Variants in RBFOX3 observed in about 807,000 individuals in gnomAD.
The protein encoded by RBFOX3 is RNA binding protein fox-1 homolog 3.
In RBFOX3, 17 loss-of-function variants were observed where a neutral mutation model predicts 48.7. The ratio of observed to expected loss-of-function variants is 0.35; its 90% CI spans 0.24 to 0.52. The LOEUF (loss-of-function observed/expected upper bound fraction) is 0.52. Ranked by LOEUF, RBFOX3 falls within the 20% of genes least tolerant of loss-of-function variation. The pLI is 0.94. For synonymous variants in RBFOX3, 212 were observed against 209.5 expected, an observed-to-expected ratio of 1.01 and a Z score of -0.10; for missense variants, 382 against 497.5, an observed-to-expected ratio of 0.77 and a Z score of 2.21.
chr17:79,132,547 A>G (rs1174799548), intron 4 of RBFOX3, among the ~76,000 whole-genome samples: 1 of 152,108 alleles, frequency 6.6e-6, no homozygotes, highest in Non-Finnish European at 1.5e-5. Context: ...CTGACGGGTG[A>G]GATTGGCAGG....
rs749459956 is a variant in RBFOX3 at position 79,101,569 on chromosome 17, G to A, written c.568+15C>T. The A allele has an allele frequency of 6.5e-7, 1 of 1,549,722 alleles. No individual in the cohort carries two copies. Among genetic ancestry groups the A allele is most frequent in the Middle Eastern group, 1.7e-4 (1 of 5,986 alleles). The stretch of plus-strand genomic sequence containing the variant: ...AGTGACCCCAGCAGCCTTGTGGGGG[G>A]ACCCAGCCCCTTACCGTTGGTGTAG... On this transcript the variant is annotated intron_variant, in intron 9 of 14. Transcript: ENST00000693108.
intron 4 of RBFOX3, among the ~76,000 whole-genome samples, chr17:79,128,225 A>G (rs12939269): frequency 0.27 from 40,653 of 152,098 alleles, 6,391 homozygotes; most frequent in Non-Finnish European, 0.37. Flanking sequence ...TGAGTGGCCA[A>G]CTGAAGGCTG....
chr17:79,448,151 G>A (rs112115292), intron 2 of RBFOX3, among the ~76,000 whole-genome samples: 1 of 152,196 alleles, frequency 6.6e-6, no homozygotes, highest in Non-Finnish European at 1.5e-5. Flanking sequence ...GTCTCAGGTA[G>A]TTTTTGATAA....
chr17:79,187,963 A>G (rs989359502), intron 4 of RBFOX3, among the ~76,000 whole-genome samples: 1 of 152,278 alleles, frequency 6.6e-6, no homozygotes, highest in Non-Finnish European at 1.5e-5. Flanking sequence ...AGAAATTCTC[A>G]CATTCCCAGA....
At chr17:79,449,253 G>A (rs2072986640) in intron 2 of RBFOX3, among the ~76,000 whole-genome samples, 1 of 152,072 alleles carries the variant, frequency 6.6e-6, no homozygotes. Flanking sequence ...GAAGCTACAT[G>A]AAACATAAGC....
chr17:79,367,518 G>A (rs886322188), intron 2 of RBFOX3, among the ~76,000 whole-genome samples: 2 of 152,082 alleles, frequency 1.3e-5, no homozygotes, highest in African/African-American at 2.4e-5. Flanking sequence ...TGGGCTACAG[G>A]TGTCAGGAGA....
intron 4 of RBFOX3, among the ~76,000 whole-genome samples, chr17:79,211,847 T>C (rs1322955302): frequency 6.6e-6 from 1 of 152,196 alleles, no homozygotes; most frequent in African/African-American, 2.4e-5. Context: ...CCTTAAGCCC[T>C]GGACTTTCGG....
chr17:79,589,796 G>A (rs28605543), intron 1 of RBFOX3, among the ~76,000 whole-genome samples: 10,347 of 152,176 alleles, frequency 0.068, 782 homozygotes, highest in African/African-American at 0.18. Flanking sequence ...TGGGGGGTCT[G>A]TCCTTCCAGG....
intron 4 of RBFOX3, among the ~76,000 whole-genome samples, chr17:79,158,957 C>G (rs1003852057): frequency 6.6e-6 from 1 of 152,178 alleles, no homozygotes; most frequent in Admixed American, 6.5e-5. Flanking sequence ...AAGCCCCAAC[C>G]GACACTGCTT....
chr17:79,509,534 G>T (rs1324217948), intron 1 of RBFOX3, among the ~76,000 whole-genome samples: 1 of 152,154 alleles, frequency 6.6e-6, no homozygotes, highest in African/African-American at 2.4e-5. Context: ...CACTTGTATC[G>T]TAACAGCGTT....
chr17:79,142,884 GCC>G (rs893117238), intron 4 of RBFOX3, among the ~76,000 whole-genome samples: 1 of 152,104 alleles, frequency 6.6e-6, no homozygotes, highest in African/African-American at 2.4e-5. Flanking sequence ...TGGGAGTAAT[GCC>G]CCCCATAACC....
intron 1 of RBFOX3, among the ~76,000 whole-genome samples, chr17:79,572,830 G>A (rs2092725922): frequency 6.6e-6 from 1 of 152,186 alleles, no homozygotes; most frequent in Non-Finnish European, 1.5e-5. Flanking sequence ...GGACGCAGAG[G>A]CTGGCCACCC....
chr17:79,316,119 TA>T (rs1353179695), intron 2 of RBFOX3, among the ~76,000 whole-genome samples: 1 of 151,324 alleles, frequency 6.6e-6, no homozygotes, highest in African/African-American at 2.4e-5. Context: ...ATTTGCCAAG[TA>T]AAAATTGGAG....
chr17:79,439,272 C>A (rs1464520150), intron 2 of RBFOX3, among the ~76,000 whole-genome samples: 2 of 152,222 alleles, frequency 1.3e-5, no homozygotes, highest in African/African-American at 4.8e-5. Flanking sequence ...CGCTCCCCAG[C>A]CCCTCCCCAG....
upstream of RBFOX3, among the ~76,000 whole-genome samples, chr17:79,612,980 C>T (rs891913935): frequency 1.1e-4 from 16 of 152,352 alleles, 1 homozygote; most frequent in South Asian, 6.2e-4. Context: ...GGAGCCTCCT[C>T]GCAGAAACCT....
At chr17:79,282,869 C>T (rs1048847041) in intron 3 of RBFOX3, among the ~76,000 whole-genome samples, 7 of 152,264 alleles carry the variant, frequency 4.6e-5, no homozygotes, top group Non-Finnish European at 8.8e-5. Context: ...ACCCACAAAA[C>T]AAGACTGACC....
chr17:79,264,234 C>T (rs1220712793), intron 3 of RBFOX3, among the ~76,000 whole-genome samples: 1 of 151,972 alleles, frequency 6.6e-6, no homozygotes, highest in Non-Finnish European at 1.5e-5. Context: ...TGCCACCACA[C>T]CTGGCTAATT....
rs1267410435 is a variant in RBFOX3, at chr17:79,477,044, C to G, written c.-175+5410G>C. 6.6e-6 allele frequency among the ~76,000 whole-genome samples: 1 copy of G among 151,518 alleles called. No homozygotes were observed. The highest frequency in any genetic ancestry group is 1.5e-5 in the Non-Finnish European group (1 of 67,910). ...GGTCAGGAGTTCGAGACCAGCCTGG[C>G]CAACAGGGTGAAACCCCGTCTCTAC... On this transcript the variant is annotated intron_variant, in intron 2 of 14. Transcript: ENST00000693108. This position sits in a 1 kb window ranked among gnomAD's most constrained non-coding sequence, Gnocchi z 4.8.
At chr17:79,211,435 C>T (rs1049923958) in intron 4 of RBFOX3, among the ~76,000 whole-genome samples, 2 of 152,230 alleles carry the variant, frequency 1.3e-5, no homozygotes, top group African/African-American at 4.8e-5. Context: ...GTCCTTAATC[C>T]CAACTTCTTT....
Sources: gnomAD v4.1 joint callset for allele counts (sites outside exome capture counted in the v4.1 genomes callset) on GRCh38, gnomAD v4.1.1 for gene constraint, Gnocchi (gnomAD v3.1) non-coding constraint, MANE v1.5 for transcripts, NCBI Gene and HGNC (gene_info 2026-07-23, HGNC 2026-07-21) for gene names.